LILRB5: variants seen among roughly 807,000 people sequenced by gnomAD.
LILRB5 encodes leukocyte immunoglobulin like receptor B5.
A neutral mutation model predicts 68.4 loss-of-function variants in LILRB5; 61 were observed. The observed-to-expected ratio is 0.89, with a 90% CI of 0.73 to 1.10. The LOEUF (loss-of-function observed/expected upper bound fraction) is 1.10. LILRB5 is among the 50% of genes least tolerant of loss of function. The pLI is 0.00. For missense variants in LILRB5, 771 were observed against 751.6 expected, an observed-to-expected ratio of 1.03 and a Z score of -0.30; for synonymous variants, 356 against 315.8, an observed-to-expected ratio of 1.13 and a Z score of -1.35.
At chr19:54,254,625 C>T (rs770042102) in intron 6 of LILRB5, 110 bp downstream of exon 6, 1 of 1,415,492 alleles carries the variant, frequency 7.1e-7, no homozygotes, top group Non-Finnish European at 9.8e-7. Flanking sequence ...GCTGAGCCCC[C>T]CTCAAACCCT....
Position 54,254,946 on chromosome 19 carries a change from AT to A in LILRB5, c.1043del (p.His348LeufsTer3), listed in dbSNP as rs748462741. On this transcript the variant is annotated frameshift_variant, in exon 6 of 13. Transcript: ENST00000449561. LOFTEE classifies it high-confidence loss of function. The part of the protein sequence containing the change: ...ENVTLLCQSW[H>X]QIDTFFLTKE... ...TGGTCAAAAAGAAAGTGTCTATCTG[AT>A]GCCATGACTGACACAGCAGGGTCAC... 1.2e-6 allele frequency: 2 copies of A among 1,613,376 alleles called. No homozygotes were observed. Among genetic ancestry groups the A allele is most frequent in the South Asian group, 2.2e-5 (2 of 90,894 alleles).
At position 54,257,142 on chromosome 19, in the gene LILRB5, C is replaced by T. The variant is rs779584472; in HGVS notation, c.34+18G>A. On this transcript the variant is annotated intron_variant, in intron 1 of 12. Coordinates refer to ENST00000449561, the MANE Select transcript of LILRB5 (RefSeq NM_001081442.3). ...CCCTCCAAGACGGGGACCTTCCTTC[C>T]CCCTCTTCAAACCTCACCGAGGCAA... is the stretch of plus-strand genomic sequence containing the variant. 1.9e-6 allele frequency: 3 copies of T among 1,614,230 alleles called. No homozygotes were observed. The highest frequency in any genetic ancestry group is 1.1e-5 in the South Asian group (1 of 91,086).
At position 54,249,697 on chromosome 19, in the gene LILRB5, TGAG is replaced by T. The variant is rs1282549924; in HGVS notation, c.*1086_*1088del. On this transcript the variant is annotated 3_prime_UTR_variant, in exon 13 of 13. Coordinates refer to ENST00000449561, the MANE Select transcript of LILRB5 (RefSeq NM_001081442.3). ...TGAGTAGCTGAACATTTTATAGAGA[TGAG>T]GAGAGACTAACTAAGGACTAGGGCG... is the stretch of plus-strand genomic sequence containing the variant. 6.6e-6 allele frequency: 1 copy of T among 152,106 alleles called. No homozygotes were observed. Among genetic ancestry groups the T allele is most frequent in the Non-Finnish European group, 1.5e-5 (1 of 68,032 alleles). The allele number at this position is 152,106 out of a possible 1,614,324, so 9.4% of individuals were successfully genotyped here. A position where few individuals can be genotyped will look rare whatever the true frequency, so the allele number is the denominator to read the frequency against.
chr19:54,254,949 C>T lies in LILRB5; in HGVS notation c.1041G>A (p.Trp347Ter). 1 of 1,613,578 alleles carries T rather than the reference C, an allele frequency of 6.2e-7. No homozygotes were observed. Among genetic ancestry groups the T allele is most frequent in the Non-Finnish European group, 8.5e-7 (1 of 1,179,856 alleles). Residue 347 changes from tryptophan to a stop codon, truncating the protein, a stop_gained, in exon 6 of 13, where the codon TGG becomes TGA. Transcript: ENST00000449561. LOFTEE classifies it high-confidence loss of function. ...GENVTLLCQS[W>*]HQIDTFFLTK... is the part of the protein sequence containing the mutation. ...TCAAAAAGAAAGTGTCTATCTGATGCCATGACTGACACAGCAGGGTCACGT... is the reference window on the plus strand; with the variant it reads ...TCAAAAAGAAAGTGTCTATCTGATGTCATGACTGACACAGCAGGGTCACGT...
rs1221434145 is a variant in LILRB5, at chr19:54,257,207, AC to A, written c.-15del. ...GGTGAGGGTCATGGCGTCAGCTCCC[AC>A]TGGACTCAGCTGTGCAGGCGGATGA... On this transcript the variant is annotated 5_prime_UTR_variant, in exon 1 of 13. It adds an upstream start codon to the 5' untranslated region. Transcript: ENST00000449561. 27 of 1,614,050 alleles carry A rather than the reference AC, an allele frequency of 1.7e-5. No homozygotes were observed. Among genetic ancestry groups the A allele is most frequent in the Non-Finnish European group, 2.3e-5 (27 of 1,180,020 alleles).
rs2079033038 is a variant in LILRB5, at chr19:54,253,814, G to A, written c.1357+204C>T. The A allele has an allele frequency of 8.8e-6, 13 of 1,471,158 alleles. No homozygotes were observed. The South Asian group carries it at 9.3e-5, about 11-fold the overall frequency. The allele number at this position is 1,471,158 out of a possible 1,614,324, so 91.1% of individuals were successfully genotyped here. ...CTCCCCTCCCCTGCCCCAGGTCACC[G>A]TCACTGCTGCCGGTGGGACAGGACA... On this transcript the variant is annotated intron_variant, in intron 8 of 12. Transcript: ENST00000449561.
intron 8 of LILRB5, chr19:54,253,426 C>T (rs558379450): frequency 1.4e-5 from 3 of 209,510 alleles, no homozygotes; most frequent in African/African-American, 4.6e-5. Context: ...CAGCCAGGTC[C>T]GTTTCCCACT....
rs1314953436 is a variant in LILRB5 at position 54,256,742 on chromosome 19, C to T, written c.102G>A (p.Glu34=). ...TCCCCCGAGCTATCACAGAGGCTGGCTCAGCCCAGAGGGTGGGTTTGGGGA... is the reference window on the plus strand; with the variant it reads ...TCCCCCGAGCTATCACAGAGGCTGGTTCAGCCCAGAGGGTGGGTTTGGGGA... ...GTLPKPTLWA[E]PASVIARGKP... The change falls in exon 3 of 13, where the codon GAG becomes GAA. Residue 34 remains glutamate, a synonymous_variant. Coordinates refer to ENST00000449561, the MANE Select transcript of LILRB5 (RefSeq NM_001081442.3). 2 of 1,613,932 alleles carry T rather than the reference C, an allele frequency of 1.2e-6. No individual in the cohort carries two copies. The highest frequency in any genetic ancestry group is 1.7e-6 in the Non-Finnish European group (2 of 1,179,996).
chr19:54,256,544 AT>A lies in LILRB5; in HGVS notation c.299del (p.Tyr100LeufsTer28). On this transcript the variant is annotated frameshift_variant, in exon 3 of 13. Coordinates refer to ENST00000449561, the MANE Select transcript of LILRB5 (RefSeq NM_001081442.3). LOFTEE classifies it high-confidence loss of function. ...YDSAGRYRCY[Y>X]ETPAGWSEPS... ...GCTCTGACCAGCCTGCAGGGGTCTC[AT>A]AGTAGCAGCGGTATCGCCCTGCACT... is the stretch of plus-strand genomic sequence containing the variant. 6.2e-7 allele frequency: 1 copy of A among 1,614,134 alleles called. No homozygotes were observed. The highest frequency in any genetic ancestry group is 8.5e-7 in the Non-Finnish European group (1 of 1,180,004).
In LILRB5 at chr19:54,250,922, G is replaced by A. The variant is rs1412593483; in HGVS notation, c.1640C>T (p.Ser547Phe). Residue 547 changes from serine (S) to phenylalanine (F), a missense_variant, in exon 13 of 13, where the codon TCT (serine) becomes TTT (phenylalanine). By Grantham distance (155) the Ser-to-Phe change is radical (BLOSUM62 -2). Transcript: ENST00000449561. The stretch of plus-strand genomic sequence containing the variant: ...GTAGGTCACATCCTGGGGGGCTTCA[G>A]ATGCAGCAGCCTGCAGCGGGGGAGA... ...GVEMDAPAAASEAPQDVTYAQ... is the reference protein window; with the variant it reads ...GVEMDAPAAAFEAPQDVTYAQ... 10 of 1,592,890 alleles carry A rather than the reference G, an allele frequency of 6.3e-6. No homozygotes were observed. The highest frequency in any genetic ancestry group is 3.3e-5 in the South Asian group (3 of 90,430).
At chr19:54,255,673 A>C in intron 4 of LILRB5, 91 bp from the exon 5 acceptor site, 3 of 1,384,298 alleles carry the variant, frequency 2.2e-6, no homozygotes, top group Non-Finnish European at 2.9e-6. Flanking sequence ...TGCAGGTCTC[A>C]CTGTCTCTCA....
intron 8 of LILRB5, 93 bp from the exon 9 acceptor site, chr19:54,253,080 C>T: frequency 1.5e-6 from 1 of 646,408 alleles, no homozygotes; most frequent in Non-Finnish European, 2.4e-6. Context: ...TTCATGAGCT[C>T]CAACCCTCAC....
chr19:54,252,921 A>C lies in LILRB5; in HGVS notation c.1424T>G (p.Leu475Arg), dbSNP rs771437129. Residue 475 changes from leucine (L) to arginine (R), a missense_variant, in exon 9 of 13, where the codon CTC becomes CGC. Transcript: ENST00000449561. ...SVAFVLLLFL[L>R]LFLLLRHRHQ... ...CCGATGTCGGAGGAGGAGGAAGAGG[A>C]GGAGGAACAGCAGCAGGACGAAGGC... 4 of 1,592,760 alleles carry C rather than the reference A, an allele frequency of 2.5e-6. No individual in the cohort carries two copies. The highest frequency in any genetic ancestry group is 3.4e-6 in the Non-Finnish European group (4 of 1,166,866).
chr19:54,256,300 A>G lies in LILRB5; in HGVS notation c.398T>C (p.Val133Ala). The G allele has an allele frequency of 2.5e-6, 4 of 1,613,148 alleles. No individual in the cohort carries two copies. Among genetic ancestry groups the G allele is most frequent in the African/African-American group, 1.3e-5 (1 of 74,976 alleles). ...GGTCACATTTCCTCCTGAGGCCACC[A>G]CAGGACTCGGCAGGGCTAAAAGAGT... ...EPTLLALPSP[V>A]VASGGNVTLQ... is the part of the protein sequence containing the mutation. The change falls in exon 4 of 13, where the codon GTG becomes GCG. Residue 133 changes from valine to alanine, a missense_variant. Coordinates refer to ENST00000449561, the MANE Select transcript of LILRB5 (RefSeq NM_001081442.3).
At chr19:54,251,863 G>A (rs374791929) in intron 12 of LILRB5, 191 bp downstream of exon 12, 16 of 766,358 alleles carry the variant, frequency 2.1e-5, no homozygotes, top group Non-Finnish European at 3.6e-5. Flanking sequence ...AAGGGGACCC[G>A]GGAGGAGGCC....
In LILRB5 at chr19:54,255,331, G is replaced by A. The variant is rs372941155; in HGVS notation, c.907C>T (p.Pro303Ser). Residue 303 changes from proline (P) to serine (S), a missense_variant, in exon 5 of 13, where the codon CCT (proline) becomes TCT (serine). Pro to Ser is a moderately conservative substitution (Grantham distance 74). Coordinates refer to ENST00000449561, the MANE Select transcript of LILRB5 (RefSeq NM_001081442.3). Reference protein sequence around the residue: ...YRCYGAHNLSPRWSAPSDPLD... With the variant: ...YRCYGAHNLSSRWSAPSDPLD... ...GGGTCGCTGGGGGCCGACCACCTAG[G>A]GGAGAGGTTGTGTGCACCGTAGCAT... 3 of 1,613,716 alleles carry A rather than the reference G, an allele frequency of 1.9e-6. No individual in the cohort carries two copies. Among genetic ancestry groups the A allele is most frequent in the South Asian group, 2.2e-5 (2 of 91,064 alleles).
chr19:54,252,648 G>A (rs2078998347), intron 9 of LILRB5, 99 bp from the exon 10 acceptor site: 2 of 1,346,662 alleles, frequency 1.5e-6, no homozygotes, highest in Admixed American at 1.9e-5. Flanking sequence ...GAGGCCCACT[G>A]GCACTGAGGC....
chr19:54,250,827 G>C lies in LILRB5; in HGVS notation c.1735C>G (p.Pro579Ala). 1 of 1,614,124 alleles carries C rather than the reference G, an allele frequency of 6.2e-7. No individual in the cohort carries two copies. The highest frequency in any genetic ancestry group is 8.5e-7 in the Non-Finnish European group (1 of 1,180,024). The change falls in exon 13 of 13, where the codon CCA becomes GCA. Residue 579 changes from proline to alanine, a missense_variant. Coordinates refer to ENST00000449561, the MANE Select transcript of LILRB5 (RefSeq NM_001081442.3). ...GGGGCGTAGATGCTGGGTTCAGCTG[G>C]AGGTTCCCTTTCCTGGGATGGAGGA... is the stretch of plus-strand genomic sequence containing the variant. ...EPPPSQEREP[P>A]AEPSIYAPLA...
Position 54,254,625 on chromosome 19 carries a change from C to G in LILRB5, c.1255+110G>C, listed in dbSNP as rs770042102. The G allele has an allele frequency of 4.2e-6, 6 of 1,415,374 alleles. No homozygotes were observed. The East Asian group carries it at 7.1e-5, about 17-fold the overall frequency. 87.7% of individuals were successfully genotyped at this position (1,415,374 alleles called of 1,614,324 possible). A position where few individuals can be genotyped will look rare whatever the true frequency, so the allele number is the denominator to read the frequency against. ...GTGAGTCTCCCTCTGGCTGAGCCCCCCTCAAACCCTCCCCCCCGCACCGCG... is the reference window on the plus strand; with the variant it reads ...GTGAGTCTCCCTCTGGCTGAGCCCCGCTCAAACCCTCCCCCCCGCACCGCG... On this transcript the variant is annotated intron_variant, in intron 6 of 12. Transcript: ENST00000449561.
Sources: gnomAD v4.1 joint callset for allele counts on GRCh38, gnomAD v4.1.1 for gene constraint, MANE v1.5 for transcripts, NCBI Gene and HGNC (gene_info 2026-07-23, HGNC 2026-07-21) for gene names.